The following WDR59 variants were observed in gnomAD, a reference collection of about 807,000 sequenced individuals.
The protein encoded by WDR59 is WD repeat domain 59.
WDR59 carries 100 observed loss-of-function variants against 131.2 expected under a neutral mutation model. The ratio of observed to expected loss-of-function variants is 0.76; its 90% CI spans 0.65 to 0.90. WDR59 has a LOEUF of 0.90. Among genes scored for constraint, WDR59 ranks in the 40% least tolerant of loss-of-function variants. The probability of loss-of-function intolerance (pLI) is 0.00; values close to 1 mark genes in which losing one functional copy is unlikely to be tolerated. For missense variants in WDR59, 1,203 were observed against 1,262.2 expected, an observed-to-expected ratio of 0.95 and a Z score of 0.71; for synonymous variants, 601 against 466.2, an observed-to-expected ratio of 1.29 and a Z score of -3.72.
chr16:74,959,694 A>AT (rs1329671066), intron 2 of WDR59: 1 of 306,102 alleles, frequency 3.3e-6, no homozygotes, highest in African/African-American at 2.3e-5. Context: ...AGATGGGAGG[A>AT]TTGCTTGCCC....
chr16:74,916,728 G>A lies in WDR59; in HGVS notation c.967-469C>T, dbSNP rs533457859. Among the ~76,000 whole-genome samples, 88 of 151,916 alleles carry A rather than the reference G, an allele frequency of 5.8e-4. 1 individual carries two copies. The highest frequency in any genetic ancestry group is 1.9e-3 in the African/African-American group (78 of 41,342). On this transcript the variant is annotated intron_variant, in intron 11 of 25. Transcript: ENST00000262144. ...ACAAAAACTAGCCAGGCATGGTGGC[G>A]GACGCCTACAGTCCCAGCTACTCGG...
chr16:74,917,867 C>T, intron 11 of WDR59, 62 bp downstream of exon 11: 1 of 1,417,294 alleles, frequency 7.1e-7, no homozygotes, highest in African/African-American at 1.4e-5. Flanking sequence ...TCCGCAAATC[C>T]TGAATCTTAC....
chr16:74,895,357 G>T (rs1295013727), intron 18 of WDR59, among the ~76,000 whole-genome samples: 1 of 152,126 alleles, frequency 6.6e-6, no homozygotes, highest in African/African-American at 2.4e-5. Flanking sequence ...CCGCCTCCGG[G>T]GTTCAAGTGA....
At chr16:74,948,462 GA>G in intron 6 of WDR59, 56 bp downstream of exon 6, 1 of 1,492,198 alleles carries the variant, frequency 6.7e-7, no homozygotes, top group Non-Finnish European at 9.3e-7. Flanking sequence ...GAACTGGAAG[GA>G]AGAAAATGAA....
chr16:74,952,463 A>AAAAG (rs1299426515), intron 3 of WDR59, among the ~76,000 whole-genome samples: 17 of 150,404 alleles, frequency 1.1e-4, no homozygotes, highest in Admixed American at 8.7e-4. Context: ...AAAAAAAAAA[A>AAAAG]AAAGAAAAGA....
intron 17 of WDR59, among the ~76,000 whole-genome samples, chr16:74,908,356 G>A (rs1385038564): frequency 6.6e-6 from 1 of 152,172 alleles, no homozygotes; most frequent in Non-Finnish European, 1.5e-5. Flanking sequence ...GGCAGAGGCT[G>A]CTGTAAGCTA....
chr16:74,926,927 T>A (rs1044727205), intron 8 of WDR59, among the ~76,000 whole-genome samples: 2 of 152,216 alleles, frequency 1.3e-5, no homozygotes, highest in Non-Finnish European at 2.9e-5. Context: ...GAGAGTTCTA[T>A]GTGCCAACAA....
At chr16:74,889,870 C>A in intron 20 of WDR59, 55 bp from the exon 21 acceptor site, 1 of 1,388,844 alleles carries the variant, frequency 7.2e-7, no homozygotes, top group Non-Finnish European at 1.0e-6. Flanking sequence ...AGAACCGAAA[C>A]CATGAAGCAA....
At chr16:74,914,662 G>A (rs1010199570) in intron 13 of WDR59, among the ~76,000 whole-genome samples, 7 of 149,552 alleles carry the variant, frequency 4.7e-5, no homozygotes, top group South Asian at 2.1e-4. Context: ...GTGTGATCTC[G>A]GCCTCACTGC....
At chr16:74,885,851 T>C in intron 24 of WDR59, 56 bp from the exon 25 acceptor site, 5 of 1,593,884 alleles carry the variant, frequency 3.1e-6, no homozygotes, top group South Asian at 2.3e-5. Flanking sequence ...ACAAGCTTCA[T>C]CCTAAATGGC....
At chr16:74,874,821 C>T (rs939989992) in intron 25 of WDR59, among the ~76,000 whole-genome samples, 2 of 152,210 alleles carry the variant, frequency 1.3e-5, no homozygotes, top group Non-Finnish European at 2.9e-5. Flanking sequence ...GAACTCCTGA[C>T]CTCAGGTGAT....
chr16:74,924,047 A>T, intron 8 of WDR59, 44 bp from the exon 9 acceptor site: 2 of 1,580,716 alleles, frequency 1.3e-6, no homozygotes, highest in South Asian at 1.1e-5. Context: ...AAATGCCATT[A>T]AAAAATTCTA....
chr16:74,912,337 G>A lies in WDR59; in HGVS notation c.1250C>T (p.Thr417Ile). 4 of 1,613,706 alleles carry A rather than the reference G, an allele frequency of 2.5e-6. No homozygotes were observed. The highest frequency in any genetic ancestry group is 3.4e-6 in the Non-Finnish European group (4 of 1,179,816). ...ATGGTTGCTGCAGTGCACAGACACTGTGCAGCTCCTGTCTGCCGCATCCAT... is the reference window on the plus strand; with the variant it reads ...ATGGTTGCTGCAGTGCACAGACACTATGCAGCTCCTGTCTGCCGCATCCAT... ...VEMDAADRSCTVSVHCSNHRV... is the reference protein window; with the variant it reads ...VEMDAADRSCIVSVHCSNHRV... The change falls in exon 14 of 26, where the codon ACA becomes ATA. Residue 417 changes from threonine (T) to isoleucine (I), a missense_variant. Transcript: ENST00000262144.
intron 17 of WDR59, among the ~76,000 whole-genome samples, chr16:74,908,539 C>T (rs1965929731): frequency 6.6e-6 from 1 of 152,288 alleles, no homozygotes; most frequent in Non-Finnish European, 1.5e-5. Context: ...TGTGAAACTA[C>T]AGATGGTCTT....
chr16:74,887,915 C>T (rs9929698), intron 22 of WDR59, among the ~76,000 whole-genome samples, 160 bp from the exon 23 acceptor site: 2,286 of 152,126 alleles, frequency 0.015, 39 homozygotes, highest in African/African-American at 0.05. Context: ...GTCAGGGGTT[C>T]GAGACCAGCC....
intron 16 of WDR59, 85 bp from the exon 17 acceptor site, chr16:74,909,062 C>T (rs1965957828): frequency 1.7e-6 from 2 of 1,166,292 alleles, no homozygotes; most frequent in South Asian, 2.5e-5. Flanking sequence ...AGTCTTTCTT[C>T]TATCTCTGTA....
At position 74,934,555 on chromosome 16, in the gene WDR59, C is replaced by T. The variant is rs770519373; in HGVS notation, c.651+3595G>A. Among the ~76,000 whole-genome samples the T allele has an allele frequency of 3.9e-5, 6 of 152,234 alleles. No individual in the cohort carries two copies. The East Asian group carries it at 9.7e-4, about 25-fold the overall frequency. The stretch of plus-strand genomic sequence containing the variant: ...ATACAGGTAGTTATTATAAATTAAC[C>T]GGAGCCATTCCATCCCCCCATTCAC... On this transcript the variant is annotated intron_variant, in intron 8 of 25. Coordinates refer to ENST00000262144, the MANE Select transcript of WDR59 (RefSeq NM_030581.4).
intron 8 of WDR59, among the ~76,000 whole-genome samples, chr16:74,933,549 T>C (rs555072249): frequency 2.0e-5 from 3 of 152,198 alleles, no homozygotes; most frequent in Non-Finnish European, 4.4e-5. Context: ...TTAACTTTAG[T>C]TTCACTATAT....
At chr16:74,931,350 T>G (rs2031368405) in intron 8 of WDR59, among the ~76,000 whole-genome samples, 1 of 152,176 alleles carries the variant, frequency 6.6e-6, no homozygotes, top group Non-Finnish European at 1.5e-5. Context: ...CTTTTTTCTT[T>G]TTTGAGAGAT....
Sources: allele counts gnomAD v4.1 joint callset (sites outside exome capture counted in the v4.1 genomes callset), GRCh38; gene constraint gnomAD v4.1.1; transcripts MANE v1.5; gene names NCBI Gene and HGNC (gene_info 2026-07-23, HGNC 2026-07-21).